Variants in MBD5 observed in about 807,000 individuals in gnomAD.
The protein encoded by MBD5 is methyl-CpG-binding domain protein 5.
MBD5 carries 13 observed loss-of-function variants against 117.3 expected under a neutral mutation model. The ratio of observed to expected loss-of-function variants is 0.11; its 90% CI spans 0.07 to 0.18. The LOEUF (loss-of-function observed/expected upper bound fraction) is 0.18, where lower values mean the gene tolerates loss of function less well. MBD5 is among the 10% of genes least tolerant of loss of function. The pLI, the probability that MBD5 is intolerant of heterozygous loss-of-function variation, is 1.00. For synonymous variants in MBD5, 727 were observed against 766.4 expected (o/e 0.95, Z 0.85); for missense variants, 1,879 against 2,093.8 (o/e 0.90, Z 2.00).
At chr2:148,114,166 G>A (rs944348608) in intron 1 of MBD5, among the ~76,000 whole-genome samples, 1 of 152,066 alleles carries the variant, frequency 6.6e-6, no homozygotes, top group Non-Finnish European at 1.5e-5. Flanking sequence ...AAATACAGTT[G>A]CTAGGTAAAG....
rs1344338567 is a variant in MBD5, at chr2:148,156,426, C to T, written c.-924-22274C>T. 5.3e-5 allele frequency among the ~76,000 whole-genome samples: 8 copies of T among 152,276 alleles called. No homozygotes were observed. In the South Asian group the frequency reaches 1.4e-3, roughly 28 times the overall value. ...AGATTCTAAGAGTGCTCTTTCGTCC[C>T]GCCAACCTCATGAATTCATATTTGT... On this transcript the variant is annotated intron_variant, in intron 1 of 13. Transcript: ENST00000642680.
At chr2:148,501,770 C>T (rs569537079) in intron 11 of MBD5, among the ~76,000 whole-genome samples, 1 of 152,296 alleles carries the variant, frequency 6.6e-6, no homozygotes, top group East Asian at 1.9e-4. Context: ...ACAAAGGACA[C>T]ACCCACAAGG....
At chr2:148,373,809 C>G (rs1016838439) in intron 4 of MBD5, among the ~76,000 whole-genome samples, 1 of 152,092 alleles carries the variant, frequency 6.6e-6, no homozygotes, top group Non-Finnish European at 1.5e-5. Flanking sequence ...ATTCATAATA[C>G]TTTAATTGAC....
chr2:148,499,608 T>C (rs1445243390), intron 11 of MBD5, among the ~76,000 whole-genome samples: 1 of 152,222 alleles, frequency 6.6e-6, no homozygotes, highest in African/African-American at 2.4e-5. Flanking sequence ...TATCTTAAAT[T>C]AGTTGCTCCT....
At chr2:148,129,135 G>A (rs1307665467) in intron 1 of MBD5, among the ~76,000 whole-genome samples, 1 of 152,104 alleles carries the variant, frequency 6.6e-6, no homozygotes, top group Non-Finnish European at 1.5e-5. Flanking sequence ...AGAACCATTA[G>A]CAGTCTTGAT....
At chr2:148,219,501 A>G (rs1468876541) in intron 2 of MBD5, among the ~76,000 whole-genome samples, 1 of 152,184 alleles carries the variant, frequency 6.6e-6, no homozygotes, top group Non-Finnish European at 1.5e-5. Context: ...ATTGTCATAT[A>G]TGCAATTGAT....
chr2:148,102,700 T>TAA (rs1696252571), intron 1 of MBD5, among the ~76,000 whole-genome samples: 1 of 131,826 alleles, frequency 7.6e-6, no homozygotes, highest in Non-Finnish European at 1.6e-5. Context: ...GAGAGAGAGA[T>TAA]CACACACACA....
At chr2:148,388,928 T>C (rs1336664092) in intron 4 of MBD5, among the ~76,000 whole-genome samples, 1 of 151,966 alleles carries the variant, frequency 6.6e-6, no homozygotes, top group Non-Finnish European at 1.5e-5. Flanking sequence ...GTGACTCCAT[T>C]ACCCAAATAG....
chr2:148,268,368 C>G (rs189500529), intron 3 of MBD5, among the ~76,000 whole-genome samples: 71 of 152,206 alleles, frequency 4.7e-4, no homozygotes, highest in Admixed American at 4.5e-3. Context: ...AGGCTTGAAC[C>G]ACAGCATCCC....
At chr2:148,317,356 C>T (rs1016936319) in intron 3 of MBD5, among the ~76,000 whole-genome samples, 5 of 151,354 alleles carry the variant, frequency 3.3e-5, no homozygotes, top group South Asian at 2.1e-4. Flanking sequence ...GCAACAAGAG[C>T]GAAACTCCGC....
At chr2:148,339,809 A>G (rs1234224641) in intron 3 of MBD5, among the ~76,000 whole-genome samples, 2 of 152,196 alleles carry the variant, frequency 1.3e-5, no homozygotes, top group Non-Finnish European at 2.9e-5. Context: ...TAAAGGTACT[A>G]GTGTTAATCT....
chr2:148,200,727 C>T (rs73009285), intron 2 of MBD5, among the ~76,000 whole-genome samples: 5,433 of 148,930 alleles, frequency 0.036, 277 homozygotes, highest in African/African-American at 0.11. Context: ...AATCTGGTTT[C>T]AACACAGAAA....
At chr2:148,280,425 T>C (rs12691782) in intron 3 of MBD5, among the ~76,000 whole-genome samples, 87,209 of 151,952 alleles carry the variant, frequency 0.57, 25,406 homozygotes, top group East Asian at 0.83. Context: ...TTTCTTTTTT[T>C]CTGCTTTTTG....
At chr2:148,289,875 T>A (rs1202509098) in intron 3 of MBD5, among the ~76,000 whole-genome samples, 1 of 151,670 alleles carries the variant, frequency 6.6e-6, no homozygotes, top group Admixed American at 6.6e-5. Flanking sequence ...TAATAGTTAT[T>A]TGGTTTTAAT....
At chr2:148,368,228 A>G (rs1703758219) in intron 4 of MBD5, among the ~76,000 whole-genome samples, 1 of 152,170 alleles carries the variant, frequency 6.6e-6, no homozygotes, top group African/African-American at 2.4e-5. Context: ...ACACAGAAAC[A>G]GAAAACCAAA....
chr2:148,372,286 C>A (rs2105371390), intron 4 of MBD5, among the ~76,000 whole-genome samples: 1 of 152,162 alleles, frequency 6.6e-6, no homozygotes, highest in East Asian at 1.9e-4. Context: ...CAAATACAAT[C>A]TTATCATCTA....
intron 3 of MBD5, among the ~76,000 whole-genome samples, chr2:148,327,149 A>G (rs1574291559): frequency 6.6e-6 from 1 of 152,108 alleles, no homozygotes; most frequent in Non-Finnish European, 1.5e-5. Context: ...TTCTTTAAGA[A>G]TGTTGAATAT....
intron 3 of MBD5, among the ~76,000 whole-genome samples, chr2:148,238,065 A>C (rs1700128959): frequency 6.6e-6 from 1 of 152,194 alleles, no homozygotes; most frequent in Admixed American, 6.5e-5. Flanking sequence ...CCACTCTGCA[A>C]AATAATTGAA....
At chr2:148,111,101 T>C (rs1696494915) in intron 1 of MBD5, among the ~76,000 whole-genome samples, 1 of 152,204 alleles carries the variant, frequency 6.6e-6, no homozygotes, top group Non-Finnish European at 1.5e-5. Flanking sequence ...TGAGGAGACA[T>C]GTCCAAAGGA....
Sources: gnomAD v4.1 joint callset for allele counts (sites outside exome capture counted in the v4.1 genomes callset) on GRCh38, gnomAD v4.1.1 for gene constraint, MANE v1.5 for transcripts, NCBI Gene and HGNC (gene_info 2026-07-23, HGNC 2026-07-21) for gene names.